KAT2B: variants seen among roughly 807,000 people sequenced by gnomAD.
The protein encoded by KAT2B is histone acetyltransferase KAT2B.
In KAT2B, 36 loss-of-function variants were observed where a neutral mutation model predicts 105.9. That is an observed-to-expected ratio of 0.34 (90% CI 0.26 to 0.45). KAT2B has a LOEUF of 0.45. KAT2B is among the 20% of genes least tolerant of loss of function. The probability of loss-of-function intolerance (pLI) is 1.00; values close to 1 mark genes in which losing one functional copy is unlikely to be tolerated. For missense variants in KAT2B, 820 were observed against 1,021.6 expected (o/e 0.80, Z 2.69); for synonymous variants, 397 against 377.9 (o/e 1.05, Z -0.59).
intron 1 of KAT2B, among the ~76,000 whole-genome samples, chr3:20,070,605 C>T (rs2125179848): frequency 6.6e-6 from 1 of 151,746 alleles, no homozygotes; most frequent in South Asian, 2.1e-4. Context: ...TGCCCGGCCT[C>T]TCTTTTCTTA....
At chr3:20,075,054 A>T (rs1474917035) in intron 2 of KAT2B, among the ~76,000 whole-genome samples, 1 of 152,178 alleles carries the variant, frequency 6.6e-6, no homozygotes, top group African/African-American at 2.4e-5. Flanking sequence ...TCACAAGGTC[A>T]GGAGTTCGAG....
chr3:20,078,227 G>A (rs970651944), intron 2 of KAT2B, among the ~76,000 whole-genome samples: 3 of 152,042 alleles, frequency 2.0e-5, no homozygotes, highest in Non-Finnish European at 2.9e-5. Context: ...CTGTTTTTAC[G>A]AGCAGGAAAG....
intron 1 of KAT2B, among the ~76,000 whole-genome samples, chr3:20,068,949 C>T (rs868830326): frequency 1.5e-4 from 23 of 152,118 alleles, no homozygotes; most frequent in African/African-American, 4.3e-4. Context: ...AGTAGCTATG[C>T]GGCAACTAAG....
intron 1 of KAT2B, among the ~76,000 whole-genome samples, chr3:20,054,011 TGG>T (rs1697961281): frequency 6.6e-6 from 1 of 152,262 alleles, no homozygotes; most frequent in South Asian, 2.1e-4. Flanking sequence ...TTGGCAAGGC[TGG>T]TCTCAAACTC....
intron 11 of KAT2B, among the ~76,000 whole-genome samples, chr3:20,128,210 A>G (rs1168360088): frequency 1.3e-5 from 2 of 152,252 alleles, no homozygotes; most frequent in African/African-American, 4.8e-5. Flanking sequence ...AATAGATCTC[A>G]GTGTTCATTG....
intron 5 of KAT2B, among the ~76,000 whole-genome samples, chr3:20,103,523 T>A (rs1314369914): frequency 6.6e-6 from 1 of 152,102 alleles, no homozygotes; most frequent in Non-Finnish European, 1.5e-5. Flanking sequence ...AATTCATCTA[T>A]CTCAGCCTCC....
intron 1 of KAT2B, among the ~76,000 whole-genome samples, chr3:20,064,297 C>A (rs761141783): frequency 6.6e-6 from 1 of 152,146 alleles, no homozygotes; most frequent in Non-Finnish European, 1.5e-5. Context: ...ATGGCCAAAT[C>A]AGTGTAATTA....
intron 3 of KAT2B, among the ~76,000 whole-genome samples, chr3:20,098,088 G>T (rs1158366177): frequency 6.6e-6 from 1 of 151,948 alleles, no homozygotes; most frequent in East Asian, 1.9e-4. Context: ...AATTAGCCAG[G>T]TGTGGTTGTG....
rs965228615 is a variant in KAT2B, at chr3:20,059,329, G to C, written c.304-13004G>C. Among the ~76,000 whole-genome samples the C allele has an allele frequency of 2.0e-5, 3 of 148,090 alleles. No homozygotes were observed. In the Admixed American group the frequency reaches 2.1e-4, roughly 10 times the overall value. ...CTCGGGAGGCTGAGGCAGGAGAATC[G>C]CTTGAACCTGGGAGGCGGAGGTTGC... On this transcript the variant is annotated intron_variant, in intron 1 of 17. Transcript: ENST00000263754.
At chr3:20,117,994 G>C (rs192380100) in intron 7 of KAT2B, among the ~76,000 whole-genome samples, 1 of 151,986 alleles carries the variant, frequency 6.6e-6, no homozygotes, top group East Asian at 1.9e-4. Flanking sequence ...GAGAAATCCT[G>C]TGTATTTTAT....
Position 20,129,007 on chromosome 3 carries a change from C to CAAAAA in KAT2B, c.1749+1476_1749+1480dup, listed in dbSNP as rs534566854. ...GGGCAATGAGAGCGAAACTCCATCT[C>CAAAAA]AAAAAAAAAAAAAAAAAAAAAAGAA... On this transcript the variant is annotated intron_variant, in intron 11 of 17. Coordinates refer to ENST00000263754, the MANE Select transcript of KAT2B (RefSeq NM_003884.5). 2.6e-3 allele frequency among the ~76,000 whole-genome samples: 149 copies of CAAAAA among 57,180 alleles called. 2 individuals carry two copies. The highest frequency in any genetic ancestry group is 3.7e-3 in the Non-Finnish European group (121 of 32,906). The allele number at this position is 57,180 out of a possible 152,430, so 37.5% of individuals were successfully genotyped here. A position where few individuals can be genotyped will look rare whatever the true frequency, so the allele number is the denominator to read the frequency against.
chr3:20,059,801 AAT>A (rs1322964218), intron 1 of KAT2B, among the ~76,000 whole-genome samples: 1 of 152,220 alleles, frequency 6.6e-6, no homozygotes, highest in Non-Finnish European at 1.5e-5. Context: ...ATTTTTAAGA[AAT>A]TGACAAGTTG....
intron 17 of KAT2B, among the ~76,000 whole-genome samples, chr3:20,151,357 T>C (rs1388997364): frequency 1.3e-5 from 2 of 152,212 alleles, no homozygotes; most frequent in Non-Finnish European, 1.5e-5. Flanking sequence ...TAAATGATGA[T>C]CCCAATGTAT....
At chr3:20,103,935 T>G (rs1206079928) in intron 5 of KAT2B, among the ~76,000 whole-genome samples, 3 of 152,162 alleles carry the variant, frequency 2.0e-5, no homozygotes, top group Non-Finnish European at 4.4e-5. Flanking sequence ...TCATGACTTT[T>G]GTGAGTATTC....
chr3:20,111,708 C>A lies in KAT2B; in HGVS notation c.964C>A (p.Gln322Lys). The change falls in exon 6 of 18, where the codon CAA (glutamine) becomes AAA (lysine). Residue 322 changes from glutamine (Q) to lysine (K), a missense_variant. By Grantham distance (53) the Gln-to-Lys change is moderately conservative (BLOSUM62 1). Around this residue, in one of 6 missense-constraint regions of KAT2B, gnomAD observed 173 missense variants for 249.5 expected, o/e 0.69. Coordinates refer to ENST00000263754, the MANE Select transcript of KAT2B (RefSeq NM_003884.5). ...LRSVFTVMRR[Q>K]LLEQARQEKD... Reference sequence around the variant, plus strand: ...CTCGGTCTTCACTGTTATGAGGCGACAACTCCTGGAACAAGCAAGACAGGA... The same window carrying A: ...CTCGGTCTTCACTGTTATGAGGCGAAAACTCCTGGAACAAGCAAGACAGGA... The A allele has an allele frequency of 6.2e-7, 1 of 1,614,044 alleles. No homozygotes were observed. The highest frequency in any genetic ancestry group is 8.5e-7 in the Non-Finnish European group (1 of 1,179,946).
intron 11 of KAT2B, among the ~76,000 whole-genome samples, chr3:20,130,134 C>G (rs1028151239): frequency 1.3e-5 from 2 of 152,214 alleles, no homozygotes; most frequent in African/African-American, 4.8e-5. Flanking sequence ...TGAGCCACCA[C>G]GCCCGGCCTC....
chr3:20,092,028 G>A lies in KAT2B; in HGVS notation c.431-3235G>A, dbSNP rs116158633. Among the ~76,000 whole-genome samples, 717 of 152,178 alleles carry A rather than the reference G, an allele frequency of 4.7e-3. 9 individuals are homozygous for A. Among genetic ancestry groups the A allele is most frequent in the African/African-American group, 0.015 (604 of 41,526 alleles). On this transcript the variant is annotated intron_variant, in intron 2 of 17. Coordinates refer to ENST00000263754, the MANE Select transcript of KAT2B (RefSeq NM_003884.5). ...TAGAGAAAATTTCATGTGCACTTGA[G>A]AAGAATGTGTATTCTACTCTCATTG...
intron 12 of KAT2B, among the ~76,000 whole-genome samples, chr3:20,138,274 CT>C (rs918885847): frequency 3.3e-5 from 5 of 152,018 alleles, no homozygotes; most frequent in Non-Finnish European, 7.4e-5. Context: ...TGACATAAAT[CT>C]TTTTAGTATT....
chr3:20,066,209 A>C (rs1279577393), intron 1 of KAT2B, among the ~76,000 whole-genome samples: 1 of 152,050 alleles, frequency 6.6e-6, no homozygotes, highest in African/African-American at 2.4e-5. Context: ...CTCTGCTTCT[A>C]TCTTCACTTG....
Sources: gnomAD v4.1 joint callset for allele counts (sites outside exome capture counted in the v4.1 genomes callset) on GRCh38, gnomAD v4.1.1 for gene constraint, gnomAD v4.1.1 regional missense constraint, MANE v1.5 for transcripts, NCBI Gene and HGNC (gene_info 2026-07-23, HGNC 2026-07-21) for gene names.